The following FAM171A1 variants were observed in gnomAD, a reference collection of about 807,000 sequenced individuals.
The protein encoded by FAM171A1 is protein FAM171A1.
In FAM171A1, 23 loss-of-function variants were observed where a neutral mutation model predicts 74.9. The ratio of observed to expected loss-of-function variants is 0.31; its 90% CI spans 0.22 to 0.44. The LOEUF (loss-of-function observed/expected upper bound fraction) is 0.44. FAM171A1 is among the 20% of genes least tolerant of loss of function. The pLI is 1.00. For synonymous variants in FAM171A1, 527 were observed against 505.7 expected (o/e 1.04, Z -0.57); for missense variants, 1,162 against 1,159.2 (o/e 1.00, Z -0.03).
At chr10:15,314,094 T>C (rs376891845) in intron 1 of FAM171A1, among the ~76,000 whole-genome samples, 6 of 152,324 alleles carry the variant, frequency 3.9e-5, no homozygotes, top group African/African-American at 1.4e-4. Context: ...CAGAACCCCA[T>C]AATGTGAAGC....
At chr10:15,257,071 A>G (rs1422555187) in intron 3 of FAM171A1, among the ~76,000 whole-genome samples, 1 of 152,098 alleles carries the variant, frequency 6.6e-6, no homozygotes, top group Non-Finnish European at 1.5e-5. Flanking sequence ...TGGGTCTCAC[A>G]TGGTGGAAAA....
intron 5 of FAM171A1, among the ~76,000 whole-genome samples, chr10:15,233,146 T>C (rs749007061): frequency 2.6e-5 from 4 of 151,760 alleles, no homozygotes; most frequent in Non-Finnish European, 5.9e-5. Context: ...ATACAAAAAA[T>C]TAGCTTGGCG....
intron 5 of FAM171A1, among the ~76,000 whole-genome samples, chr10:15,223,615 T>C (rs1449121683): frequency 1.3e-5 from 2 of 151,976 alleles, no homozygotes; most frequent in Non-Finnish European, 2.9e-5. Context: ...TAGCTCCACA[T>C]TGGCTGGGGG....
intron 3 of FAM171A1, among the ~76,000 whole-genome samples, chr10:15,272,966 A>T (rs1018626797): frequency 6.6e-6 from 1 of 152,204 alleles, no homozygotes; most frequent in African/African-American, 2.4e-5. Context: ...ACACCCTAAC[A>T]TCACAATTAA....
At chr10:15,307,723 T>C (rs758333274) in intron 1 of FAM171A1, among the ~76,000 whole-genome samples, 13 of 150,626 alleles carry the variant, frequency 8.6e-5, no homozygotes, top group Non-Finnish European at 1.6e-4. Flanking sequence ...ACCATGGGTA[T>C]ATTCTTCCAA....
Position 15,213,392 on chromosome 10 carries a change from C to T in FAM171A1, c.2196G>A (p.Arg732=), listed in dbSNP as rs1463041893. 1 of 1,614,198 alleles carries T rather than the reference C, an allele frequency of 6.2e-7. No homozygotes were observed. Among genetic ancestry groups the T allele is most frequent in the East Asian group, 2.2e-5 (1 of 44,864 alleles). ...CCAAACTGGCATCATTACTTCCGTT[C>T]CTTCCAGCTCTTTGGAGATCAATGT... ...HSYIDLQRAG[R]NGSNDASLDS... The change falls in exon 8 of 8, where the codon AGG becomes AGA. Residue 732 remains arginine (R), a synonymous_variant. Coordinates refer to ENST00000378116, the MANE Select transcript of FAM171A1 (RefSeq NM_001010924.2). The surrounding 1 kb of genome is among the most constrained non-coding windows in gnomAD (Gnocchi z 6.8).
intron 1 of FAM171A1, among the ~76,000 whole-genome samples, chr10:15,356,925 C>A (rs1376441419): frequency 6.6e-6 from 1 of 151,638 alleles, no homozygotes; most frequent in Non-Finnish European, 1.5e-5. Context: ...GAGCAGAGAT[C>A]ATGCCACTGC....
chr10:15,266,590 G>C (rs1834744593), intron 3 of FAM171A1, among the ~76,000 whole-genome samples: 1 of 152,250 alleles, frequency 6.6e-6, no homozygotes, highest in Non-Finnish European at 1.5e-5. Flanking sequence ...GTGAGGCCAG[G>C]CATGGTGGCT....
At chr10:15,342,469 G>A (rs1451382805) in intron 1 of FAM171A1, among the ~76,000 whole-genome samples, 6 of 152,172 alleles carry the variant, frequency 3.9e-5, no homozygotes, top group Admixed American at 3.9e-4. Context: ...TTGGGAGGCT[G>A]AGGAGGAAGG....
rs1265473005 is a variant in FAM171A1 at position 15,213,029 on chromosome 10, T to G, written c.2559A>C (p.Arg853Ser). The G allele has an allele frequency of 1.2e-6, 2 of 1,613,884 alleles. No individual in the cohort carries two copies. The highest frequency in any genetic ancestry group is 2.7e-5 in the African/African-American group (2 of 74,874). The change falls in exon 8 of 8, where the codon AGA becomes AGC. Residue 853 changes from arginine to serine, a missense_variant. Arg to Ser is a moderately radical substitution (Grantham distance 110). Transcript: ENST00000378116. The surrounding 1 kb of genome is among the most constrained non-coding windows in gnomAD (Gnocchi z 6.8). Reference sequence around the variant, plus strand: ...CTTCCTCTTCCTCGTGGGCAGATCTTCTCTGGTGGGGGCTGGCTGCTGGCT... The same window carrying G: ...CTTCCTCTTCCTCGTGGGCAGATCTGCTCTGGTGGGGGCTGGCTGCTGGCT... ...PSEPAASPHQ[R>S]RSAHEEEEDD...
chr10:15,227,674 C>T (rs548590607), intron 5 of FAM171A1, among the ~76,000 whole-genome samples: 14 of 152,290 alleles, frequency 9.2e-5, no homozygotes, highest in Middle Eastern at 3.4e-3. Flanking sequence ...AGTCACCATG[C>T]CCACCTTGAA....
In FAM171A1 at chr10:15,280,698, G is replaced by A. The variant is rs190110970; in HGVS notation, c.325+3180C>T. On this transcript the variant is annotated intron_variant, in intron 2 of 7. Transcript: ENST00000378116. ...CACACACAAGCAGTGTGCTGCACAC[G>A]TGTGGGAAAGAAGGCATTTTTTAGT... Among the ~76,000 whole-genome samples, 13 of 152,350 alleles carry A rather than the reference G, an allele frequency of 8.5e-5. 1 individual carries two copies. The East Asian group carries it at 2.3e-3, about 27-fold the overall frequency.
intron 5 of FAM171A1, among the ~76,000 whole-genome samples, chr10:15,227,149 G>A (rs1016428490): frequency 5.9e-5 from 9 of 152,040 alleles, no homozygotes; most frequent in African/African-American, 1.9e-4. Flanking sequence ...ACAGGCACCT[G>A]CCACCACAAC....
chr10:15,258,866 C>T (rs768838842), intron 3 of FAM171A1, among the ~76,000 whole-genome samples: 24 of 152,306 alleles, frequency 1.6e-4, no homozygotes, highest in African/African-American at 2.6e-4. Context: ...CAGAGGGCTA[C>T]CACCCATCGC....
At chr10:15,268,390 C>T (rs981883885) in intron 3 of FAM171A1, among the ~76,000 whole-genome samples, 4 of 152,138 alleles carry the variant, frequency 2.6e-5, no homozygotes, top group Admixed American at 2.6e-4. Flanking sequence ...CAGATGGAGA[C>T]ACCAACCTCA....
intron 1 of FAM171A1, among the ~76,000 whole-genome samples, chr10:15,296,452 T>C (rs1320428168): frequency 6.6e-6 from 1 of 152,206 alleles, no homozygotes; most frequent in African/African-American, 2.4e-5. Flanking sequence ...TTATATGCAA[T>C]TTCTAGCTGC....
intron 1 of FAM171A1, among the ~76,000 whole-genome samples, chr10:15,370,395 A>G (rs1399795450): frequency 6.6e-6 from 1 of 151,630 alleles, no homozygotes; most frequent in Admixed American, 6.6e-5. Flanking sequence ...AACTTTCCCA[A>G]ACTGCGGCAG....
At chr10:15,255,801 C>A (rs1400783923) in intron 3 of FAM171A1, among the ~76,000 whole-genome samples, 1 of 151,938 alleles carries the variant, frequency 6.6e-6, no homozygotes, top group Non-Finnish European at 1.5e-5. Context: ...GTGCCCGCCA[C>A]CACACCCAGC....
At chr10:15,337,910 C>G (rs1214278663) in intron 1 of FAM171A1, among the ~76,000 whole-genome samples, 1 of 152,114 alleles carries the variant, frequency 6.6e-6, no homozygotes, top group Non-Finnish European at 1.5e-5. Context: ...AAGATCGTGC[C>G]ACTGTACTCC....
Sources: gnomAD v4.1 joint callset for allele counts (sites outside exome capture counted in the v4.1 genomes callset) on GRCh38, gnomAD v4.1.1 for gene constraint, Gnocchi (gnomAD v3.1) non-coding constraint, MANE v1.5 for transcripts, NCBI Gene and HGNC (gene_info 2026-07-23, HGNC 2026-07-21) for gene names.